ACSS3: variants seen among roughly 807,000 people sequenced by gnomAD.
ACSS3 encodes the protein acyl-CoA synthetase short chain family member 3.
A neutral mutation model predicts 84.2 loss-of-function variants in ACSS3; 64 were observed. That is an observed-to-expected ratio of 0.76 (90% CI 0.62 to 0.94). The LOEUF is 0.94. Among genes scored for constraint, ACSS3 ranks in the 40% least tolerant of loss-of-function variants. The pLI, the probability that ACSS3 is intolerant of heterozygous loss-of-function variation, is 0.00. For missense variants in ACSS3, 815 were observed against 867.6 expected (o/e 0.94, Z 0.76); for synonymous variants, 317 against 310.1 (o/e 1.02, Z -0.23).
intron 11 of ACSS3, among the ~76,000 whole-genome samples, chr12:81,227,995 T>A (rs1049246839): frequency 1.3e-5 from 2 of 151,842 alleles, no homozygotes; most frequent in Non-Finnish European, 2.9e-5. Flanking sequence ...GCTAGACATA[T>A]GATGTCCCTC....
intron 7 of ACSS3, among the ~76,000 whole-genome samples, chr12:81,157,492 G>T (rs1027881162): frequency 7.2e-5 from 11 of 152,120 alleles, no homozygotes; most frequent in African/African-American, 2.7e-4. Context: ...CATATCTGTG[G>T]AAGTTCTAGC....
chr12:81,194,134 A>G (rs1166085838), intron 8 of ACSS3, among the ~76,000 whole-genome samples: 1 of 151,736 alleles, frequency 6.6e-6, no homozygotes, highest in East Asian at 1.9e-4. Context: ...GATGCCTAAG[A>G]TAACTATAAA....
In ACSS3 at chr12:81,107,545, T is replaced by C. The variant is rs1297112968; in HGVS notation, c.312-2015T>C. ...ATATATATATATATATATATATATA[T>C]ATATATATATATATAAATGTTTTTG... is the stretch of plus-strand genomic sequence containing the variant. On this transcript the variant is annotated intron_variant, in intron 1 of 15. Coordinates refer to ENST00000548058, the MANE Select transcript of ACSS3 (RefSeq NM_024560.4). Among the ~76,000 whole-genome samples, 565 of 122,270 alleles carry C rather than the reference T, an allele frequency of 4.6e-3. 45 individuals are homozygous for C. Among genetic ancestry groups the C allele is most frequent in the African/African-American group, 0.017 (543 of 32,126 alleles). 80.2% of individuals were successfully genotyped at this position (122,270 alleles called of 152,430 possible). A position where few individuals can be genotyped will look rare whatever the true frequency, so the allele number is the denominator to read the frequency against.
chr12:81,217,073 G>T, intron 10 of ACSS3, 77 bp downstream of exon 10: 1 of 1,148,386 alleles, frequency 8.7e-7, no homozygotes, highest in Non-Finnish European at 1.3e-6. Context: ...TATGTTGCAT[G>T]AAACAAACTA....
intron 8 of ACSS3, among the ~76,000 whole-genome samples, chr12:81,182,893 A>G (rs1434610767): frequency 2.0e-5 from 3 of 152,112 alleles, no homozygotes; most frequent in African/African-American, 7.2e-5. Context: ...TGCTTGTCAA[A>G]TGCACATCAT....
At chr12:81,077,978 C>A, upstream of ACSS3, 3 of 1,047,030 alleles carry the variant, frequency 2.9e-6, no homozygotes, top group South Asian at 6.0e-5. Context: ...TTTTTCCCGG[C>A]GACTCTAGTG....
intron 8 of ACSS3, among the ~76,000 whole-genome samples, chr12:81,178,223 C>T (rs958069676): frequency 6.0e-5 from 9 of 149,540 alleles, no homozygotes; most frequent in Non-Finnish European, 1.3e-4. Flanking sequence ...GACAAAAAAC[C>T]AAACACCGCA....
At chr12:81,148,230 C>T (rs1886438141) in intron 5 of ACSS3, among the ~76,000 whole-genome samples, 1 of 151,934 alleles carries the variant, frequency 6.6e-6, no homozygotes, top group South Asian at 2.1e-4. Context: ...TTCAGGCTTC[C>T]CTCCTCTTCT....
chr12:81,163,351 T>C (rs1424608437), intron 7 of ACSS3, among the ~76,000 whole-genome samples: 3 of 152,222 alleles, frequency 2.0e-5, no homozygotes, highest in Non-Finnish European at 4.4e-5. Context: ...ATCATAATGT[T>C]GTCACACATT....
intron 2 of ACSS3, among the ~76,000 whole-genome samples, chr12:81,125,395 T>C (rs1885014578): frequency 6.6e-6 from 1 of 152,216 alleles, no homozygotes; most frequent in Non-Finnish European, 1.5e-5. Flanking sequence ...TAATTAATGC[T>C]TTCTTCTTAT....
chr12:81,167,675 G>T (rs939061993), intron 7 of ACSS3, among the ~76,000 whole-genome samples: 2 of 152,162 alleles, frequency 1.3e-5, no homozygotes, highest in African/African-American at 4.8e-5. Context: ...TGAAAGCAGA[G>T]CCCTCCTAAC....
At position 81,116,424 on chromosome 12, in the gene ACSS3, C is replaced by A. The variant is rs115624489; in HGVS notation, c.456+6720C>A. ...CAATCCAAAAGAGCAACAATACAAC[C>A]AATCCCTTGAATATTCTCAGACAGA... On this transcript the variant is annotated intron_variant, in intron 2 of 15. Transcript: ENST00000548058. Among the ~76,000 whole-genome samples, 243 of 152,144 alleles carry A rather than the reference C, an allele frequency of 1.6e-3. 2 individuals are homozygous for A. The highest frequency in any genetic ancestry group is 4.1e-3 in the African/African-American group (170 of 41,528).
Position 81,109,666 on chromosome 12 carries a change from A to T in ACSS3, c.418A>T (p.Thr140Ser). Residue 140 changes from threonine to serine, a missense_variant, in exon 2 of 16, where the codon ACT becomes TCT. By Grantham distance (58) the Thr-to-Ser change is moderately conservative. Transcript: ENST00000548058. ...AIIYDSPVTN[T>S]KATFTYKEVL... The stretch of plus-strand genomic sequence containing the variant: ...CATCTATGACAGTCCTGTTACAAAC[A>T]CTAAAGCAACCTTTACCTATAAAGA... 1.2e-6 allele frequency: 2 copies of T among 1,609,916 alleles called. No individual in the cohort carries two copies. Among genetic ancestry groups the T allele is most frequent in the Non-Finnish European group, 1.7e-6 (2 of 1,178,314 alleles).
At chr12:81,194,751 A>G (rs533610133) in intron 8 of ACSS3, among the ~76,000 whole-genome samples, 1 of 152,132 alleles carries the variant, frequency 6.6e-6, no homozygotes, top group Non-Finnish European at 1.5e-5. Context: ...TAAAATATAT[A>G]ATAGTGAAAT....
intron 1 of ACSS3, among the ~76,000 whole-genome samples, chr12:81,085,998 A>C (rs1472316506): frequency 1.3e-5 from 2 of 152,222 alleles, no homozygotes; most frequent in African/African-American, 2.4e-5. Flanking sequence ...AAAGGAAAAT[A>C]AATACAAATA....
chr12:81,187,515 T>C (rs1181469085), intron 8 of ACSS3, among the ~76,000 whole-genome samples: 2 of 151,944 alleles, frequency 1.3e-5, no homozygotes, highest in Non-Finnish European at 2.9e-5. Context: ...TATGTCTGGC[T>C]GTCTTTGAGT....
chr12:81,140,925 C>T, intron 4 of ACSS3, among the ~76,000 whole-genome samples: 1 of 152,022 alleles, frequency 6.6e-6, no homozygotes. Flanking sequence ...AATATTTTTT[C>T]TTATTTAATT....
chr12:81,087,638 C>T (rs1881405881), intron 1 of ACSS3, among the ~76,000 whole-genome samples: 1 of 152,104 alleles, frequency 6.6e-6, no homozygotes. Context: ...GCTAATCTCA[C>T]TTTGCATTCT....
intron 13 of ACSS3, among the ~76,000 whole-genome samples, chr12:81,244,768 A>T (rs1476734271): frequency 3.3e-5 from 5 of 152,144 alleles, no homozygotes; most frequent in African/African-American, 1.2e-4. Context: ...TTAATCATCT[A>T]TTATTGCAAG....
Sources: gnomAD v4.1 joint callset for allele counts (sites outside exome capture counted in the v4.1 genomes callset) on GRCh38, gnomAD v4.1.1 for gene constraint, MANE v1.5 for transcripts, NCBI Gene and HGNC (gene_info 2026-07-23, HGNC 2026-07-21) for gene names.